The following CDH13 variants were observed in gnomAD, a reference collection of about 807,000 sequenced individuals.
CDH13 encodes cadherin 13.
In CDH13, 24 loss-of-function variants were observed where a neutral mutation model predicts 63.8. The observed-to-expected ratio is 0.38, with a 90% CI of 0.27 to 0.53. CDH13 has a LOEUF of 0.53. Among genes scored for constraint, CDH13 ranks in the 20% least tolerant of loss-of-function variants. CDH13 has a pLI of 0.85. For synonymous variants in CDH13, 503 were observed against 355.3 expected (o/e 1.42, Z -4.67); for missense variants, 1,049 against 903.1 (o/e 1.16, Z -2.07).
chr16:82,694,022 A>G (rs190330758), intron 1 of CDH13, among the ~76,000 whole-genome samples: 4 of 152,378 alleles, frequency 2.6e-5, no homozygotes, highest in African/African-American at 4.8e-5. Context: ...CTGAACTTCA[A>G]TGTCCACATC....
At chr16:83,148,273 A>C (rs948336417) in intron 4 of CDH13, among the ~76,000 whole-genome samples, 3 of 152,204 alleles carry the variant, frequency 2.0e-5, no homozygotes, top group Non-Finnish European at 4.4e-5. Flanking sequence ...GAGAGACCAC[A>C]ATAGGCACAG....
intron 3 of CDH13, among the ~76,000 whole-genome samples, chr16:83,090,283 A>T (rs1011263061): frequency 6.6e-6 from 1 of 152,056 alleles, no homozygotes; most frequent in African/African-American, 2.4e-5. Flanking sequence ...ATGCCAAGCC[A>T]TTCGTTTGTG....
intron 1 of CDH13, among the ~76,000 whole-genome samples, chr16:82,820,031 G>C (rs527312522): frequency 6.6e-6 from 1 of 152,102 alleles, no homozygotes; most frequent in East Asian, 1.9e-4. Flanking sequence ...GCAGTCAGAC[G>C]AGCCAGGAGG....
intron 4 of CDH13, among the ~76,000 whole-genome samples, chr16:83,211,003 C>G (rs2039323302): frequency 6.6e-6 from 1 of 151,098 alleles, no homozygotes; most frequent in Non-Finnish European, 1.5e-5. Context: ...CAAAAATTAG[C>G]TGGGCGTGGT....
chr16:83,626,786 C>A (rs1383026120), intron 8 of CDH13, among the ~76,000 whole-genome samples: 9 of 152,126 alleles, frequency 5.9e-5, no homozygotes, highest in African/African-American at 2.2e-4. Flanking sequence ...TGCCGAGTCT[C>A]TACTTTTACT....
At chr16:83,365,159 G>T (rs1251375606) in intron 6 of CDH13, among the ~76,000 whole-genome samples, 1 of 152,232 alleles carries the variant, frequency 6.6e-6, no homozygotes, top group Non-Finnish European at 1.5e-5. Context: ...AAGCTGATGT[G>T]TGGCTCCAGT....
At chr16:82,924,726 A>G (rs1403607131) in intron 2 of CDH13, among the ~76,000 whole-genome samples, 1 of 152,198 alleles carries the variant, frequency 6.6e-6, no homozygotes, top group East Asian at 1.9e-4. Flanking sequence ...CTAGGTCACC[A>G]TGGCCAGCCC....
chr16:83,429,196 A>AGAAGG (rs2072012268), intron 6 of CDH13, among the ~76,000 whole-genome samples: 1 of 152,194 alleles, frequency 6.6e-6, no homozygotes, highest in South Asian at 2.1e-4. Flanking sequence ...AGCATTTACG[A>AGAAGG]GAAGGTCCTT....
At chr16:83,581,520 A>G (rs1905596968) in intron 7 of CDH13, among the ~76,000 whole-genome samples, 1 of 152,084 alleles carries the variant, frequency 6.6e-6, no homozygotes, top group East Asian at 1.9e-4. Context: ...AGGCCACCCT[A>G]TTTAAAACAG....
intron 6 of CDH13, among the ~76,000 whole-genome samples, chr16:83,447,049 G>C (rs1289694905): frequency 2.1e-4 from 12 of 57,802 alleles, no homozygotes; most frequent in Non-Finnish European, 3.4e-4. Flanking sequence ...CTGGTCACCC[G>C]TCTTAAAAAA....
chr16:82,772,122 TA>T (rs1458818508), intron 1 of CDH13, among the ~76,000 whole-genome samples: 2 of 152,180 alleles, frequency 1.3e-5, no homozygotes, highest in Admixed American at 6.5e-5. Context: ...AGCTGGATGT[TA>T]AATTGTTAGG....
At chr16:83,246,429 A>T (rs1905000666) in intron 5 of CDH13, among the ~76,000 whole-genome samples, 1 of 151,896 alleles carries the variant, frequency 6.6e-6, no homozygotes, top group Non-Finnish European at 1.5e-5. Flanking sequence ...CCTCATTTTG[A>T]TTTTCTGCTT....
intron 5 of CDH13, among the ~76,000 whole-genome samples, chr16:83,247,985 AG>A (rs1905132753): frequency 6.6e-6 from 1 of 152,158 alleles, no homozygotes; most frequent in South Asian, 2.1e-4. Flanking sequence ...AGGAAGCCCC[AG>A]GCTGTTGAGT....
At position 82,710,954 on chromosome 16, in the gene CDH13, T is replaced by TA. The variant is rs1012722974; in HGVS notation, c.45+83827dup. Among the ~76,000 whole-genome samples, 61 of 144,316 alleles carry TA rather than the reference T, an allele frequency of 4.2e-4. 1 individual carries two copies. Among genetic ancestry groups the TA allele is most frequent in the Middle Eastern group, 3.5e-3 (1 of 286 alleles). 94.7% of individuals were successfully genotyped at this position (144,316 alleles called of 152,430 possible). On this transcript the variant is annotated intron_variant, in intron 1 of 13. Coordinates refer to ENST00000567109, the MANE Select transcript of CDH13 (RefSeq NM_001257.5). The stretch of plus-strand genomic sequence containing the variant: ...CCTGATTTTTTTTTTACCCCAACAT[T>TA]AAAAAAAAAAGCTAGTGCATAAACA...
chr16:83,674,028 T>C (rs965184412), intron 9 of CDH13, among the ~76,000 whole-genome samples: 1 of 152,150 alleles, frequency 6.6e-6, no homozygotes, highest in African/African-American at 2.4e-5. Flanking sequence ...GTTCTATCTG[T>C]CTCTCAGCAC....
At chr16:83,237,397 A>G (rs1018963191) in intron 5 of CDH13, among the ~76,000 whole-genome samples, 1 of 152,252 alleles carries the variant, frequency 6.6e-6, no homozygotes, top group Admixed American at 6.5e-5. Flanking sequence ...CTTACATCGT[A>G]GAGAAGGAGT....
intron 4 of CDH13, among the ~76,000 whole-genome samples, chr16:83,140,018 C>T (rs1292285846): frequency 6.6e-6 from 1 of 152,058 alleles, no homozygotes; most frequent in African/African-American, 2.4e-5. Flanking sequence ...AAATAAATAT[C>T]CCTGAGTCCC....
At chr16:82,828,398 A>G (rs981297814) in intron 1 of CDH13, among the ~76,000 whole-genome samples, 5 of 152,118 alleles carry the variant, frequency 3.3e-5, no homozygotes, top group African/African-American at 1.2e-4. Flanking sequence ...CAAACAGATG[A>G]CTTGAGGCCA....
intron 2 of CDH13, among the ~76,000 whole-genome samples, chr16:83,021,348 A>C (rs927742990): frequency 6.6e-6 from 1 of 152,224 alleles, no homozygotes; most frequent in African/African-American, 2.4e-5. Context: ...ATTCGTAGTG[A>C]TTATAACCAC....
Sources: gnomAD v4.1 joint callset for allele counts (sites outside exome capture counted in the v4.1 genomes callset) on GRCh38, gnomAD v4.1.1 for gene constraint, MANE v1.5 for transcripts, NCBI Gene and HGNC (gene_info 2026-07-23, HGNC 2026-07-21) for gene names.